Variants in DNAH9 observed in about 807,000 individuals in gnomAD.
The protein encoded by DNAH9 is dynein axonemal heavy chain 9, also known as DNAH9 variant protein.
In DNAH9, 345 loss-of-function variants were observed where a neutral mutation model predicts 471.6. The observed-to-expected ratio is 0.73, with a 90% CI of 0.67 to 0.80. The LOEUF (loss-of-function observed/expected upper bound fraction) is 0.80, where lower values mean the gene tolerates loss of function less well. Ranked by LOEUF, DNAH9 falls within the 30% of genes least tolerant of loss-of-function variation. DNAH9 has a pLI of 0.00. For synonymous variants in DNAH9, 2,093 were observed against 2,123.6 expected, an observed-to-expected ratio of 0.99 and a Z score of 0.40; for missense variants, 5,407 against 5,609.2, an observed-to-expected ratio of 0.96 and a Z score of 1.15.
intron 24 of DNAH9, 30 bp from the exon 25 acceptor site, chr17:11,704,173 A>T (rs1597506449): frequency 6.2e-7 from 1 of 1,612,964 alleles, no homozygotes; most frequent in Non-Finnish European, 8.5e-7. Flanking sequence ...CCATGATAAC[A>T]GCTTTACTAG....
At chr17:11,738,833 A>T in intron 28 of DNAH9, 47 bp from the exon 29 acceptor site, 1 of 1,578,924 alleles carries the variant, frequency 6.3e-7, no homozygotes, top group Non-Finnish European at 8.7e-7. Context: ...TGATCCCTCC[A>T]CTAAAAGGCA....
chr17:11,871,533 G>C, intron 51 of DNAH9, 65 bp from the exon 52 acceptor site: 2 of 1,471,650 alleles, frequency 1.4e-6, no homozygotes, highest in African/African-American at 1.4e-5. Flanking sequence ...CTCCATGATG[G>C]AATCACGGCT....
intron 15 of DNAH9, among the ~76,000 whole-genome samples, chr17:11,666,253 C>G (rs2073865402): frequency 6.6e-6 from 1 of 152,140 alleles, no homozygotes; most frequent in Non-Finnish European, 1.5e-5. Context: ...TAAGCCCTCC[C>G]TAGAGAATCT....
chr17:11,602,707 C>G (rs2072411497), intron 1 of DNAH9, among the ~76,000 whole-genome samples: 1 of 152,220 alleles, frequency 6.6e-6, no homozygotes, highest in African/African-American at 2.4e-5. Flanking sequence ...AACTTGGCCT[C>G]TGGGTTCTCT....
chr17:11,679,024 T>C (rs1219404136), intron 17 of DNAH9, among the ~76,000 whole-genome samples: 1 of 152,218 alleles, frequency 6.6e-6, no homozygotes, highest in Non-Finnish European at 1.5e-5. Context: ...AATTATATTT[T>C]CCATTTTTAG....
chr17:11,853,678 C>A (rs1374386330), intron 49 of DNAH9, among the ~76,000 whole-genome samples: 1 of 152,176 alleles, frequency 6.6e-6, no homozygotes, highest in African/African-American at 2.4e-5. Flanking sequence ...TTATTCATAG[C>A]ATGCTGCATA....
chr17:11,823,461 A>T (rs1327050638), intron 48 of DNAH9, among the ~76,000 whole-genome samples: 1 of 152,186 alleles, frequency 6.6e-6, no homozygotes, highest in South Asian at 2.1e-4. Flanking sequence ...ACCAAAAGAA[A>T]TGAATGGTGA....
chr17:11,722,730 T>G (rs8074402), intron 27 of DNAH9, among the ~76,000 whole-genome samples: 106,986 of 151,962 alleles, frequency 0.7, 39,041 homozygotes, highest in Admixed American at 0.82. Flanking sequence ...AAGGTAAAGT[T>G]ATTGCTTTAC....
chr17:11,937,412 G>A lies in DNAH9; in HGVS notation c.12550G>A (p.Glu4184Lys), dbSNP rs780454415. The A allele has an allele frequency of 5.6e-6, 9 of 1,614,000 alleles. No homozygotes were observed. The African/African-American group carries it at 1.1e-4, about 19-fold the overall frequency. Residue 4184 changes from glutamate to lysine, a missense_variant, in exon 66 of 69, where the codon GAG becomes AAG. Transcript: ENST00000262442. The surrounding 1 kb of genome is among the most constrained non-coding windows in gnomAD (Gnocchi z 4.1). ...PYLYGLHPNA[E>K]IGFLTQTSEK... ...CCTCTATGGCCTCCACCCGAACGCA[G>A]AGATTGGCTTCCTGACCCAAACCTC...
At chr17:11,955,507 T>C (rs778659407) in intron 67 of DNAH9, among the ~76,000 whole-genome samples, 23 of 152,212 alleles carry the variant, frequency 1.5e-4, no homozygotes, top group Admixed American at 3.3e-4. Flanking sequence ...AAGACCTACC[T>C]ATATGCTGTT....
chr17:11,953,237 A>G (rs1975465588), intron 67 of DNAH9, among the ~76,000 whole-genome samples: 1 of 152,032 alleles, frequency 6.6e-6, no homozygotes, highest in Admixed American at 6.5e-5. Context: ...GCCCACAGAG[A>G]AGTTGCTGCA....
At chr17:11,827,974 C>T (rs771689464) in intron 48 of DNAH9, among the ~76,000 whole-genome samples, 1 of 152,114 alleles carries the variant, frequency 6.6e-6, no homozygotes, top group African/African-American at 2.4e-5. Flanking sequence ...ACACCTACAC[C>T]CAAACCATGA....
intron 17 of DNAH9, among the ~76,000 whole-genome samples, chr17:11,678,548 C>A (rs1288916762): frequency 6.6e-6 from 1 of 152,188 alleles, no homozygotes; most frequent in Non-Finnish European, 1.5e-5. Context: ...TCTACTGTGT[C>A]CTGGCTTCCA....
chr17:11,920,281 C>T (rs1353646039), intron 61 of DNAH9, among the ~76,000 whole-genome samples: 1 of 151,682 alleles, frequency 6.6e-6, no homozygotes, highest in Non-Finnish European at 1.5e-5. Context: ...GGTGATCCAC[C>T]TGCCTCAGCC....
intron 27 of DNAH9, among the ~76,000 whole-genome samples, chr17:11,725,842 G>A (rs1442021472): frequency 6.6e-6 from 1 of 151,996 alleles, no homozygotes; most frequent in African/African-American, 2.4e-5. Context: ...ACTCCAGCCT[G>A]GGTGACAGAG....
chr17:11,929,420 T>C (rs1053668348), intron 62 of DNAH9, among the ~76,000 whole-genome samples: 5 of 152,134 alleles, frequency 3.3e-5, no homozygotes, highest in Admixed American at 6.5e-5. Flanking sequence ...TCAGGCCCCA[T>C]CCTGGACCTG....
intron 59 of DNAH9, among the ~76,000 whole-genome samples, chr17:11,898,725 A>T (rs1973302580): frequency 6.6e-6 from 1 of 152,250 alleles, no homozygotes; most frequent in Non-Finnish European, 1.5e-5. Context: ...GACCAAGTCC[A>T]GTTGCCTCTG....
intron 7 of DNAH9, chr17:11,630,352 G>C (rs2073043987): frequency 6.6e-6 from 1 of 152,522 alleles, no homozygotes; most frequent in African/African-American, 2.4e-5. Flanking sequence ...AGAATCGCTT[G>C]AACCCGTGAG....
rs1413387400 is a variant in DNAH9 at position 11,694,732 on chromosome 17, CTTTCTT to C, written c.4872+287_4872+292del. ...TCTCTCTCTCTCTCTCTCTCTTTCT[CTTTCTT>C]TCTTTCTTTCTTTCCTTCCTTCCTT... On this transcript the variant is annotated intron_variant, in intron 22 of 68. Coordinates refer to ENST00000262442, the MANE Select transcript of DNAH9 (RefSeq NM_001372.4). 2.2e-3 allele frequency among the ~76,000 whole-genome samples: 8 copies of C among 3,674 alleles called. 3 individuals carry two copies. The highest frequency in any genetic ancestry group is 2.8e-3 in the Non-Finnish European group (2 of 714). 2.4% of individuals were successfully genotyped at this position (3,674 alleles called of 152,430 possible). A position where few individuals can be genotyped will look rare whatever the true frequency, so the allele number is the denominator to read the frequency against.
Sources: allele counts gnomAD v4.1 joint callset (sites outside exome capture counted in the v4.1 genomes callset), GRCh38; gene constraint gnomAD v4.1.1; non-coding constraint Gnocchi (gnomAD v3.1); transcripts MANE v1.5; gene names NCBI Gene and HGNC (gene_info 2026-07-23, HGNC 2026-07-21).